PACRG: variants seen among roughly 807,000 people sequenced by gnomAD.
PACRG encodes parkin coregulated gene protein.
In PACRG, 29 loss-of-function variants were observed where a neutral mutation model predicts 29.7. That is an observed-to-expected ratio of 0.98 (90% CI 0.73 to 1.33). PACRG has a LOEUF of 1.33. PACRG is among the 40% of genes most tolerant of loss of function. PACRG has a pLI of 0.00. For missense variants in PACRG, 279 were observed against 316.2 expected (o/e 0.88, Z 0.89); for synonymous variants, 116 against 118.7 (o/e 0.98, Z 0.15).
At chr6:163,193,960 T>G (rs554034000) in intron 4 of PACRG, among the ~76,000 whole-genome samples, 1 of 150,252 alleles carries the variant, frequency 6.7e-6, no homozygotes, top group African/African-American at 2.4e-5. Flanking sequence ...TGCCGCGATC[T>G]CGGCTCAGTG....
intron 2 of PACRG, among the ~76,000 whole-genome samples, chr6:162,984,026 T>A (rs4602703): frequency 0.5 from 74,727 of 148,236 alleles, 19,843 homozygotes; most frequent in East Asian, 0.73. Context: ...TCTTTAAAAA[T>A]TTTTTTTATT....
intron 1 of PACRG, among the ~76,000 whole-genome samples, chr6:162,778,372 A>G (rs1783818059): frequency 6.6e-6 from 1 of 152,098 alleles, no homozygotes; most frequent in Non-Finnish European, 1.5e-5. Flanking sequence ...CGTAAGAGGT[A>G]TTGCCTTGTT....
chr6:162,947,635 T>TG (rs1799331422), intron 2 of PACRG, among the ~76,000 whole-genome samples: 1 of 77,832 alleles, frequency 1.3e-5, no homozygotes, highest in African/African-American at 5.1e-5. Context: ...TATATATATA[T>TG]ATATATATAT....
intron 2 of PACRG, among the ~76,000 whole-genome samples, chr6:162,845,385 T>C (rs1255030740): frequency 6.6e-6 from 1 of 152,066 alleles, no homozygotes; most frequent in African/African-American, 2.4e-5. Context: ...TCATCAATTT[T>C]TTTTTCTTTT....
chr6:163,074,951 G>GCA (rs1279889677), intron 3 of PACRG, among the ~76,000 whole-genome samples: 3 of 151,952 alleles, frequency 2.0e-5, no homozygotes, highest in African/African-American at 7.3e-5. Flanking sequence ...CTGTGATTGG[G>GCA]CACTGCACTC....
Position 163,182,881 on chromosome 6 carries a change from G to A in PACRG, c.613+93473G>A, listed in dbSNP as rs1030857834. ...AAAACAGAAGCCTCCACTTTGCTGA[G>A]CACCAAAAGATCGGGAGATGAGTCA... On this transcript the variant is annotated intron_variant, in intron 4 of 4. Coordinates refer to ENST00000366888, the MANE Select transcript of PACRG (RefSeq NM_001080379.2). 3 of 152,232 alleles carry A rather than the reference G, an allele frequency of 2.0e-5. No homozygotes were observed. The East Asian group carries it at 5.8e-4, about 29-fold the overall frequency. 9.4% of individuals were successfully genotyped at this position (152,232 alleles called of 1,614,324 possible). A position where few individuals can be genotyped will look rare whatever the true frequency, so the allele number is the denominator to read the frequency against.
intron 4 of PACRG, among the ~76,000 whole-genome samples, chr6:163,094,096 A>G (rs961041683): frequency 7.2e-5 from 11 of 152,184 alleles, no homozygotes; most frequent in African/African-American, 2.7e-4. Flanking sequence ...TCTGGGACCA[A>G]TTCTCATGCT....
chr6:162,863,830 T>C (rs1302434697), intron 2 of PACRG, among the ~76,000 whole-genome samples: 1 of 152,234 alleles, frequency 6.6e-6, no homozygotes, highest in Non-Finnish European at 1.5e-5. Context: ...AATAAATTAT[T>C]CATGCTCTCA....
intron 4 of PACRG, among the ~76,000 whole-genome samples, chr6:163,176,704 G>A (rs1174336109): frequency 1.3e-5 from 2 of 152,230 alleles, no homozygotes; most frequent in Non-Finnish European, 2.9e-5. Flanking sequence ...CTCTAGAGAT[G>A]AGAGAAGGTT....
chr6:163,145,861 A>C (rs1229603610), intron 4 of PACRG, among the ~76,000 whole-genome samples: 1 of 152,160 alleles, frequency 6.6e-6, no homozygotes, highest in Non-Finnish European at 1.5e-5. Context: ...CGCCTACCGG[A>C]GATGGGAGAG....
chr6:162,878,860 A>G (rs115295749), intron 2 of PACRG, among the ~76,000 whole-genome samples: 3,023 of 152,332 alleles, frequency 0.02, 105 homozygotes, highest in African/African-American at 0.07. Flanking sequence ...GTGAATAACT[A>G]TGGTGACAAG....
Position 162,922,543 on chromosome 6 carries a change from A to T in PACRG, c.291+108262A>T, listed in dbSNP as rs569872548. On this transcript the variant is annotated intron_variant, in intron 2 of 4. Transcript: ENST00000366888. ...ATGTAGCTATAATTTGGTATCCCTT[A>T]AGCAGCCCCTCCTTATTTCCCCCCA... Among the ~76,000 whole-genome samples, 4 of 151,946 alleles carry T rather than the reference A, an allele frequency of 2.6e-5. No homozygotes were observed. The South Asian group carries it at 8.3e-4, about 32-fold the overall frequency.
At chr6:163,076,185 A>T (rs1373063811) in intron 3 of PACRG, among the ~76,000 whole-genome samples, 3 of 149,464 alleles carry the variant, frequency 2.0e-5, no homozygotes, top group Non-Finnish European at 4.5e-5. Flanking sequence ...CAGACCCCAA[A>T]CCTTGTCTTC....
At chr6:162,897,976 G>A (rs1795287209) in intron 2 of PACRG, among the ~76,000 whole-genome samples, 2 of 152,172 alleles carry the variant, frequency 1.3e-5, no homozygotes, top group Non-Finnish European at 2.9e-5. Context: ...GCAGAGGCAG[G>A]AAGAGCCCTG....
chr6:163,009,808 T>C (rs1246980235), intron 2 of PACRG, among the ~76,000 whole-genome samples: 2 of 152,228 alleles, frequency 1.3e-5, no homozygotes. Flanking sequence ...AAACTTACAC[T>C]TAAAAGGCTG....
chr6:163,203,966 G>A lies in PACRG; in HGVS notation c.614-110861G>A, dbSNP rs186065309. Among the ~76,000 whole-genome samples the A allele has an allele frequency of 1.3e-4, 20 of 152,340 alleles. No homozygotes were observed. In the East Asian group the frequency reaches 3.9e-3, roughly 29 times the overall value. On this transcript the variant is annotated intron_variant, in intron 4 of 4. Coordinates refer to ENST00000366888, the MANE Select transcript of PACRG (RefSeq NM_001080379.2). ...GTGATCATGTTTTAATTAGGATCCT[G>A]TAAGGTGAAAATAGACTGCACATGC... is the stretch of plus-strand genomic sequence containing the variant.
chr6:163,095,284 G>A (rs985064158), intron 4 of PACRG: 3 of 985,214 alleles, frequency 3.0e-6, no homozygotes, highest in Non-Finnish European at 3.6e-6. Context: ...TCAGGGGAGT[G>A]GGGTCAGTCA....
At chr6:162,892,327 G>A (rs907770063) in intron 2 of PACRG, among the ~76,000 whole-genome samples, 4 of 152,146 alleles carry the variant, frequency 2.6e-5, no homozygotes, top group Admixed American at 6.5e-5. Flanking sequence ...TCTGACTTTG[G>A]TCTCCTCCTG....
rs149348655 is a variant in PACRG, at chr6:162,760,394, G to C, written c.156+32003G>C. Among the ~76,000 whole-genome samples, 638 of 152,296 alleles carry C rather than the reference G, an allele frequency of 4.2e-3. 1 individual carries two copies. The highest frequency in any genetic ancestry group is 0.015 in the African/African-American group (608 of 41,554). On this transcript the variant is annotated intron_variant, in intron 1 of 4. Coordinates refer to ENST00000366888, the MANE Select transcript of PACRG (RefSeq NM_001080379.2). Reference sequence around the variant, plus strand: ...GGATTTCAGGCTGACTGAAGCACCAGGCCACGCTGTCAGAGGCAGGAGTGA... The same window carrying C: ...GGATTTCAGGCTGACTGAAGCACCACGCCACGCTGTCAGAGGCAGGAGTGA...
Sources: gnomAD v4.1 joint callset for allele counts (sites outside exome capture counted in the v4.1 genomes callset) on GRCh38, gnomAD v4.1.1 for gene constraint, MANE v1.5 for transcripts, NCBI Gene and HGNC (gene_info 2026-07-23, HGNC 2026-07-21) for gene names.